The following JUP variants were observed in gnomAD, a reference collection of about 807,000 sequenced individuals.
JUP encodes the protein junction plakoglobin, also known as catenin (cadherin-associated protein), gamma 80kDa.
JUP carries 28 observed loss-of-function variants against 71.1 expected under a neutral mutation model. The ratio of observed to expected loss-of-function variants is 0.39; its 90% CI spans 0.29 to 0.54. The LOEUF (loss-of-function observed/expected upper bound fraction) is 0.54. Ranked by LOEUF, JUP falls within the 20% of genes least tolerant of loss-of-function variation. The probability of loss-of-function intolerance (pLI) is 0.62; values close to 1 mark genes in which losing one functional copy is unlikely to be tolerated. For synonymous variants in JUP, 401 were observed against 438.9 expected (o/e 0.91, Z 1.08); for missense variants, 869 against 1,030.1 (o/e 0.84, Z 2.14).
intron 8 of JUP, among the ~76,000 whole-genome samples, chr17:41,761,190 G>A (rs1914748030): frequency 6.6e-6 from 1 of 152,102 alleles, no homozygotes; most frequent in South Asian, 2.1e-4. Flanking sequence ...ACTCCCTATG[G>A]GAGATGCTAA....
chr17:41,757,637 T>C lies in JUP; in HGVS notation c.1921A>G (p.Thr641Ala). 1.2e-6 allele frequency: 2 copies of C among 1,613,768 alleles called. No individual in the cohort carries two copies. Among genetic ancestry groups the C allele is most frequent in the East Asian group, 2.2e-5 (1 of 44,874 alleles). The change falls in exon 11 of 14, where the codon ACT becomes GCT. Residue 641 changes from threonine (T) to alanine (A), a missense_variant. Physicochemically the swap from Thr to Ala is moderately conservative, Grantham distance 58 (BLOSUM62 0). Coordinates refer to ENST00000393931, the MANE Select transcript of JUP (RefSeq NM_002230.4). ...MELLHSRNEG[T>A]ATYAAAVLFR... ...CTCCTGCCCTCCCCCAGCTCACCAG[T>C]GCCCTCGTTGCGGGAGTGCAGCAAC...
chr17:41,781,717 G>C (rs2047175743), intron 1 of JUP, among the ~76,000 whole-genome samples: 1 of 152,240 alleles, frequency 6.6e-6, no homozygotes. Flanking sequence ...CCAAAGGGCA[G>C]CAATTCCTGT....
At chr17:41,769,306 C>T (rs1354694030) in intron 3 of JUP, 99 bp from the exon 4 acceptor site, 25 of 1,546,476 alleles carry the variant, frequency 1.6e-5, no homozygotes, top group East Asian at 4.5e-5. Flanking sequence ...TCATCACACA[C>T]GGGAGAGTCT....
chr17:41,755,376 A>G lies in JUP; in HGVS notation c.*368T>C, dbSNP rs2143360816. On this transcript the variant is annotated 3_prime_UTR_variant, in exon 14 of 14. Transcript: ENST00000393931. The stretch of plus-strand genomic sequence containing the variant: ...ACACCCCGGCTTCCCCAGCTCAGGC[A>G]CTTTTCTGTCTTGCCCCATCGCCTG... 4.9e-6 allele frequency: 2 copies of G among 405,000 alleles called. No individual in the cohort carries two copies. The highest frequency in any genetic ancestry group is 7.1e-5 in the East Asian group (2 of 28,166). 25.1% of individuals were successfully genotyped at this position (405,000 alleles called of 1,614,324 possible).
chr17:41,758,383 C>A lies in JUP; in HGVS notation c.1773+16G>T. ...GTGGTGGGGGGACCTCTCCTGCCCA[C>A]CTGCCCCAGACTCACCTGCACAAAC... is the stretch of plus-strand genomic sequence containing the variant. On this transcript the variant is annotated intron_variant, in intron 10 of 13. Transcript: ENST00000393931. 1.2e-6 allele frequency: 2 copies of A among 1,612,476 alleles called. No individual in the cohort carries two copies. The highest frequency in any genetic ancestry group is 1.7e-6 in the Non-Finnish European group (2 of 1,179,970).
At chr17:41,765,167 T>C in intron 5 of JUP, 100 bp from the exon 6 acceptor site, 1 of 1,196,070 alleles carries the variant, frequency 8.4e-7, no homozygotes, top group Non-Finnish European at 1.2e-6. Context: ...GAGCTTCAGC[T>C]AAAGCACGAA....
chr17:41,757,434 T>A lies in JUP; in HGVS notation c.2027A>T (p.Asp676Val). The stretch of plus-strand genomic sequence containing the variant: ...ACTCACAGCCTCCCAGGCAGCCGGG[T>A]CATGCTTGAAGAGGGAGTTGGTGAG... ...VELTNSLFKH[D>V]PAAWEAAQSM... Residue 676 changes from aspartate to valine, a missense_variant, in exon 12 of 14, where the codon GAC becomes GTC. Physicochemically the swap from Asp to Val is radical, Grantham distance 152. Coordinates refer to ENST00000393931, the MANE Select transcript of JUP (RefSeq NM_002230.4). 6.2e-7 allele frequency: 1 copy of A among 1,614,130 alleles called. No homozygotes were observed. The highest frequency in any genetic ancestry group is 8.5e-7 in the Non-Finnish European group (1 of 1,180,030).
intron 6 of JUP, 52 bp from the exon 7 acceptor site, chr17:41,764,868 C>T: frequency 6.2e-7 from 1 of 1,613,700 alleles, no homozygotes; most frequent in Non-Finnish European, 8.5e-7. Context: ...GCTGACTGAG[C>T]CTGGCAGCTG....
intron 1 of JUP, among the ~76,000 whole-genome samples, chr17:41,777,941 G>A (rs1479401829): frequency 1.3e-5 from 2 of 152,182 alleles, no homozygotes; most frequent in African/African-American, 2.4e-5. Context: ...ACTGGCAGAT[G>A]ACCCCAAACC....
intron 1 of JUP, among the ~76,000 whole-genome samples, chr17:41,780,826 C>A (rs533225542): frequency 6.6e-6 from 1 of 152,012 alleles, no homozygotes; most frequent in Non-Finnish European, 1.5e-5. Flanking sequence ...GAGTGGATCA[C>A]CTGAGGTCAG....
chr17:41,781,454 A>T (rs1311971308), intron 1 of JUP, among the ~76,000 whole-genome samples: 1 of 152,148 alleles, frequency 6.6e-6, no homozygotes, highest in Non-Finnish European at 1.5e-5. Flanking sequence ...AGCAAAGGAG[A>T]GTGGTCCATG....
rs1555605645 is a variant in JUP, at chr17:41,769,424, C to T, written c.462G>A (p.Glu154=). ...LPELTKLLND[E]DPVVVTKAAM... is the part of the protein sequence containing the mutation. The stretch of plus-strand genomic sequence containing the variant: ...AGCAGGGACCCTCACAGACCGGGTC[C>T]TCGTCGTTGAGCAGTTTGGTGAGCT... The change falls in exon 3 of 14, where the codon GAG becomes GAA. Residue 154 remains glutamate (E), a synonymous_variant. Transcript: ENST00000393931. The T allele has an allele frequency of 6.2e-7, 1 of 1,611,674 alleles. No individual in the cohort carries two copies. The highest frequency in any genetic ancestry group is 2.2e-5 in the East Asian group (1 of 44,822).
intron 2 of JUP, 117 bp downstream of exon 2, chr17:41,771,530 G>C (rs1916644748): frequency 1.1e-6 from 1 of 922,762 alleles, no homozygotes; most frequent in East Asian, 2.5e-5. Flanking sequence ...GTTAGCATGA[G>C]CTGTGCCTCC....
At chr17:41,773,747 A>T (rs1314638865) in intron 1 of JUP, among the ~76,000 whole-genome samples, 1 of 152,056 alleles carries the variant, frequency 6.6e-6, no homozygotes, top group Non-Finnish European at 1.5e-5. Context: ...TAAAATCCTG[A>T]GCTCCTCGTG....
intron 1 of JUP, among the ~76,000 whole-genome samples, chr17:41,784,357 TG>T (rs1169169071): frequency 1.3e-5 from 2 of 152,120 alleles, no homozygotes; most frequent in African/African-American, 4.8e-5. Flanking sequence ...AGCTGGGGCT[TG>T]ATCTAGCAAG....
intron 1 of JUP, chr17:41,772,840 G>A: frequency 1.0e-6 from 1 of 985,446 alleles, no homozygotes; most frequent in Non-Finnish European, 1.2e-6. Flanking sequence ...GAGTAGCAGG[G>A]CCGAACTTTG....
intron 1 of JUP, among the ~76,000 whole-genome samples, chr17:41,782,866 C>T (rs148713072): frequency 5.9e-5 from 9 of 151,996 alleles, no homozygotes; most frequent in East Asian, 1.9e-4. Flanking sequence ...GAGGCTGAGG[C>T]GGGCGGATCT....
chr17:41,784,630 C>A lies in JUP; in HGVS notation c.-9+1958G>T, dbSNP rs189702418. ...CTGTTGCTCCCCAGAGGTGCAGAAT[C>A]CCATCCCCCGGCAGAAAAGGATCTG... On this transcript the variant is annotated intron_variant, in intron 1 of 13. Transcript: ENST00000393931. 2.2e-3 allele frequency among the ~76,000 whole-genome samples: 334 copies of A among 152,284 alleles called. 1 individual carries two copies. Among genetic ancestry groups the A allele is most frequent in the Non-Finnish European group, 3.9e-3 (267 of 68,026 alleles).
chr17:41,777,952 G>A (rs996617211), intron 1 of JUP, among the ~76,000 whole-genome samples: 1 of 152,116 alleles, frequency 6.6e-6, no homozygotes, highest in African/African-American at 2.4e-5. Flanking sequence ...ACCCCAAACC[G>A]GGACTCCTGG....
Sources: gnomAD v4.1 joint callset for allele counts (sites outside exome capture counted in the v4.1 genomes callset) on GRCh38, gnomAD v4.1.1 for gene constraint, MANE v1.5 for transcripts, NCBI Gene and HGNC (gene_info 2026-07-23, HGNC 2026-07-21) for gene names.